KRABD4: variants seen among roughly 807,000 people sequenced by gnomAD.
KRABD4 encodes the protein KRAB domain-containing protein 4.
At chrX:46,472,900 A>T in the KRABD4 span, 2 of 1,211,904 alleles carry the variant, frequency 1.7e-6, no homozygotes, top group South Asian at 3.5e-5. Context: ...CTGAGCACAG[A>T]ATTTGATTCT....
chrX:46,458,141 G>T, the KRABD4 span, among the ~76,000 whole-genome samples: 2 of 112,304 alleles, frequency 1.8e-5, no homozygotes, highest in Admixed American at 1.9e-4. Flanking sequence ...ACAATGGGCT[G>T]CCTTCTTTTA....
the KRABD4 span, among the ~76,000 whole-genome samples, chrX:46,466,681 T>C: frequency 3.6e-5 from 4 of 112,668 alleles, no homozygotes; most frequent in Non-Finnish European, 7.5e-5. Flanking sequence ...TGAACATAAT[T>C]TTCTATATGT....
the KRABD4 span, among the ~76,000 whole-genome samples, chrX:46,469,829 G>A: frequency 9.0e-6 from 1 of 111,022 alleles, no homozygotes; most frequent in Non-Finnish European, 1.9e-5. Context: ...TTTACTTGCA[G>A]GTTTTTTCAT....
chrX:46,450,340 C>T, the KRABD4 span: 2 of 544,496 alleles, frequency 3.7e-6, no homozygotes, highest in Middle Eastern at 7.0e-4. Context: ...GATCACTCTC[C>T]CTAGGGTACA....
the KRABD4 span, among the ~76,000 whole-genome samples, chrX:46,466,371 A>G: frequency 8.9e-6 from 1 of 111,816 alleles, no homozygotes; most frequent in Admixed American, 9.5e-5. Context: ...GAACACCCAT[A>G]TAATACGTCC....
chrX:46,460,691 G>C, the KRABD4 span, among the ~76,000 whole-genome samples: 1 of 98,827 alleles, frequency 1.0e-5, no homozygotes, highest in Admixed American at 1.1e-4. Context: ...GTGCAGTCTT[G>C]GCTCACTGCA....
the KRABD4 span, chrX:46,450,566 C>T: frequency 1.2e-6 from 1 of 816,455 alleles, no homozygotes. Context: ...CCAATTATCC[C>T]CTCTTCTCTG....
the KRABD4 span, among the ~76,000 whole-genome samples, chrX:46,462,246 T>C: frequency 2.7e-3 from 303 of 112,028 alleles, 1 homozygote; most frequent in Non-Finnish European, 4.0e-3. Flanking sequence ...GCGCGATGGC[T>C]CACGCCTGTA....
At chrX:46,451,020 G>A in the KRABD4 span, among the ~76,000 whole-genome samples, 1 of 111,749 alleles carries the variant, frequency 8.9e-6, no homozygotes, top group Non-Finnish European at 1.9e-5. Context: ...TCTGAGAACT[G>A]TACCTCATCT....
At chrX:46,462,568 G>A in the KRABD4 span, 71 of 749,979 alleles carry the variant, frequency 9.5e-5, no homozygotes, top group East Asian at 7.1e-4. Context: ...GTGTGGATTC[G>A]ACTCCCCTCA....
At chrX:46,453,643 CTTTGT>C in the KRABD4 span, among the ~76,000 whole-genome samples, 1 of 111,495 alleles carries the variant, frequency 9.0e-6, no homozygotes, top group Admixed American at 9.5e-5. Flanking sequence ...GAACCTGGAT[CTTTGT>C]TTTAAGACTA....
the KRABD4 span, chrX:46,472,254 ATTC>A: frequency 8.5e-6 from 1 of 117,898 alleles, no homozygotes; most frequent in Non-Finnish European, 1.8e-5. Flanking sequence ...GTAACCCCTG[ATTC>A]TTCTTAACAT....
the KRABD4 span, among the ~76,000 whole-genome samples, chrX:46,448,989 C>A: frequency 1.8e-5 from 2 of 109,072 alleles, no homozygotes; most frequent in Non-Finnish European, 3.8e-5. Flanking sequence ...TATTTCAATG[C>A]TTAATGAAAG....
the KRABD4 span, among the ~76,000 whole-genome samples, chrX:46,458,070 A>C: frequency 8.9e-6 from 1 of 111,906 alleles, no homozygotes. Flanking sequence ...AAGCACAATG[A>C]AAATCTTAAA....
chrX:46,474,440 G>C, the KRABD4 span: 1 of 111,098 alleles, frequency 9.0e-6, no homozygotes, highest in African/African-American at 3.3e-5. Context: ...TCAGGCATCC[G>C]CTAGGGATCT....
the KRABD4 span, chrX:46,462,721 G>T: frequency 8.3e-7 from 1 of 1,209,006 alleles, no homozygotes; most frequent in Non-Finnish European, 1.1e-6. Context: ...TGGTCCTGGG[G>T]TGCTAAAGAG....
chrX:46,459,709 G>A, the KRABD4 span, among the ~76,000 whole-genome samples: 1 of 111,778 alleles, frequency 8.9e-6, no homozygotes, highest in Admixed American at 9.5e-5. Flanking sequence ...GTTTAGCTAT[G>A]TGTTACTGGA....
chrX:46,462,701 T>G, the KRABD4 span: 16 of 1,210,412 alleles, frequency 1.3e-5, no homozygotes, highest in South Asian at 2.5e-4. Flanking sequence ...CATGTCCCAG[T>G]GCCCCAGGCT....
chrX:46,465,415 C>A, the KRABD4 span, among the ~76,000 whole-genome samples: 1 of 112,754 alleles, frequency 8.9e-6, no homozygotes, highest in African/African-American at 3.2e-5. Context: ...GAATTCTGGC[C>A]GCTTCCCTCA....
Sources: gnomAD v4.1 joint callset for allele counts (sites outside exome capture counted in the v4.1 genomes callset) on GRCh38, gnomAD v4.1.1 for gene constraint, MANE v1.5 for transcripts, NCBI Gene and HGNC (gene_info 2026-07-23, HGNC 2026-07-21) for gene names.